The following SAMD12 variants were observed in gnomAD, a reference collection of about 807,000 sequenced individuals.
SAMD12 encodes the protein sterile alpha motif domain containing 12, also known as sterile alpha motif domain-containing protein 12.
Under a neutral mutation model 15.0 loss-of-function variants are expected in SAMD12, and 9 were observed. The observed-to-expected ratio is 0.60, with a 90% confidence interval of 0.36 to 1.05. The LOEUF is 1.05. Ranked by LOEUF, SAMD12 falls within the 50% of genes least tolerant of loss-of-function variation. The pLI, the probability that SAMD12 is intolerant of heterozygous loss-of-function variation, is 0.01. For synonymous variants in SAMD12, 86 were observed against 90.1 expected, an observed-to-expected ratio of 0.96 and a Z score of 0.25; for missense variants, 230 against 234.2, an observed-to-expected ratio of 0.98 and a Z score of 0.12.
chr8:118,170,678 C>G, the SAMD12 span, among the ~76,000 whole-genome samples: 5 of 151,892 alleles, frequency 3.3e-5, no homozygotes, highest in Admixed American at 6.6e-5. Context: ...CAAAAATTAA[C>G]ACAGAATGGA....
At chr8:118,594,078 C>T (rs536337322) in intron 1 of SAMD12, among the ~76,000 whole-genome samples, 15 of 152,240 alleles carry the variant, frequency 9.9e-5, no homozygotes, top group African/African-American at 3.4e-4. Context: ...CTTTTAGAGA[C>T]CCCAGATTAT....
intron 2 of SAMD12, among the ~76,000 whole-genome samples, chr8:118,508,244 C>T (rs569644720): frequency 8.5e-5 from 8 of 94,664 alleles, no homozygotes; most frequent in Non-Finnish European, 1.3e-4. Context: ...GTCGTGGGGT[C>T]GGGGGAGGGA....
intron 4 of SAMD12, among the ~76,000 whole-genome samples, chr8:118,205,859 C>A (rs2514953): frequency 0.51 from 78,098 of 151,980 alleles, 21,587 homozygotes; most frequent in Non-Finnish European, 0.62. Flanking sequence ...ACATTGAGAA[C>A]GTGAGAGAAA....
intron 4 of SAMD12, among the ~76,000 whole-genome samples, chr8:118,342,087 C>T (rs1037392596): frequency 2.0e-5 from 3 of 152,196 alleles, no homozygotes; most frequent in East Asian, 1.9e-4. Context: ...GTCAGGAGTT[C>T]GAGACCAGCC....
chr8:118,587,333 G>A lies in SAMD12; in HGVS notation c.14-6440C>T, dbSNP rs546014068. Among the ~76,000 whole-genome samples the A allele has an allele frequency of 3.3e-5, 5 of 152,212 alleles. No homozygotes were observed. In the South Asian group the frequency reaches 1.0e-3, roughly 32 times the overall value. On this transcript the variant is annotated intron_variant, in intron 1 of 3. Coordinates refer to ENST00000314727, the MANE Select transcript of SAMD12 (RefSeq NM_207506.3). ...GCTTCATTTATTGTATTCTGGATTC[G>A]AATTCAGCAGAGACTACCCTCAAGA...
chr8:118,621,370 C>G (rs73709147), intron 1 of SAMD12, among the ~76,000 whole-genome samples: 1 of 152,130 alleles, frequency 6.6e-6, no homozygotes, highest in African/African-American at 2.4e-5. Flanking sequence ...TCCAAGCTTC[C>G]GGATGACGCA....
chr8:118,132,972 GTATATATA>G, the SAMD12 span, among the ~76,000 whole-genome samples: 2,289 of 47,784 alleles, frequency 0.048, 182 homozygotes, highest in Middle Eastern at 0.081. Flanking sequence ...GTGTGTGTGT[GTATATATA>G]TATATATATA....
chr8:118,541,864 A>AT (rs1491035571), intron 2 of SAMD12, among the ~76,000 whole-genome samples: 21 of 152,096 alleles, frequency 1.4e-4, no homozygotes, highest in African/African-American at 4.8e-4. Flanking sequence ...TCTTTTTAAA[A>AT]TTTTTTGAGA....
At chr8:118,154,637 G>C in the SAMD12 span, among the ~76,000 whole-genome samples, 1 of 152,180 alleles carries the variant, frequency 6.6e-6, no homozygotes, top group Non-Finnish European at 1.5e-5. Flanking sequence ...GTTCTATAGA[G>C]CTCATACCAT....
the SAMD12 span, among the ~76,000 whole-genome samples, chr8:118,182,528 G>A: frequency 6.6e-6 from 1 of 151,854 alleles, no homozygotes; most frequent in Non-Finnish European, 1.5e-5. Context: ...CCTGAATTTT[G>A]CTTATTTATA....
chr8:118,572,291 C>T (rs1221281228), intron 2 of SAMD12, among the ~76,000 whole-genome samples: 1 of 152,184 alleles, frequency 6.6e-6, no homozygotes, highest in African/African-American at 2.4e-5. Flanking sequence ...TTTACAGACT[C>T]CATAGGTGGA....
At chr8:118,477,172 T>C (rs1258175497) in intron 2 of SAMD12, among the ~76,000 whole-genome samples, 2 of 152,032 alleles carry the variant, frequency 1.3e-5, no homozygotes, top group African/African-American at 4.8e-5. Flanking sequence ...TTCAAGCAAT[T>C]CTCATGCCTC....
intron 2 of SAMD12, among the ~76,000 whole-genome samples, chr8:118,535,885 C>T (rs1049654047): frequency 6.6e-6 from 1 of 152,240 alleles, no homozygotes; most frequent in Non-Finnish European, 1.5e-5. Context: ...TCCCTGACCC[C>T]TTGCACTTCC....
At chr8:118,328,736 T>C (rs1816675541) in intron 4 of SAMD12, among the ~76,000 whole-genome samples, 1 of 152,188 alleles carries the variant, frequency 6.6e-6, no homozygotes, top group Admixed American at 6.5e-5. Flanking sequence ...TGGAACTCAC[T>C]GAGCCTCACT....
chr8:118,524,320 C>T (rs1470432527), intron 2 of SAMD12, among the ~76,000 whole-genome samples: 6 of 152,130 alleles, frequency 3.9e-5, no homozygotes, highest in Non-Finnish European at 8.8e-5. Flanking sequence ...CATTTGATTC[C>T]ACCATCGCTC....
chr8:118,563,150 C>T (rs1826756223), intron 2 of SAMD12, among the ~76,000 whole-genome samples: 1 of 152,132 alleles, frequency 6.6e-6, no homozygotes, highest in South Asian at 2.1e-4. Flanking sequence ...CAGTCACATC[C>T]AATGAACACA....
chr8:118,497,723 C>CGGGGCG (rs1824659640), intron 2 of SAMD12, among the ~76,000 whole-genome samples: 1 of 58,756 alleles, frequency 1.7e-5, no homozygotes, highest in African/African-American at 6.4e-5. Context: ...ACTTAAGTTG[C>CGGGGCG]GGGGGGGGGT....
rs550390112 is a variant in SAMD12, at chr8:118,337,866, C to A, written c.433+41694G>T. 1.6e-4 allele frequency among the ~76,000 whole-genome samples: 25 copies of A among 152,016 alleles called. No individual in the cohort carries two copies. The East Asian group carries it at 4.1e-3, about 25-fold the overall frequency. On this transcript the variant is annotated intron_variant, in intron 4 of 4. Transcript: ENST00000409003. ...GAAAGTTCTCAACTTAATAAGGAAA[C>A]AACAAAAAAAATGTATGCTGAGGTT...
chr8:118,272,784 AC>A (rs1343674406), intron 4 of SAMD12, among the ~76,000 whole-genome samples: 1 of 152,122 alleles, frequency 6.6e-6, no homozygotes, highest in African/African-American at 2.4e-5. Flanking sequence ...TCCATCTGAG[AC>A]CATCTCAGCC....
Sources: allele counts gnomAD v4.1 joint callset (sites outside exome capture counted in the v4.1 genomes callset), GRCh38; gene constraint gnomAD v4.1.1; transcripts MANE v1.5; gene names NCBI Gene and HGNC (gene_info 2026-07-23, HGNC 2026-07-21).